The following HS3ST4 variants were observed in gnomAD, a reference collection of about 807,000 sequenced individuals.
HS3ST4 encodes the protein heparan sulfate-glucosamine 3-sulfotransferase 4, also known as heparan sulfate glucosamine 3-O-sulfotransferase 4.
HS3ST4 carries 17 observed loss-of-function variants against 29.2 expected under a neutral mutation model. The ratio of observed to expected loss-of-function variants is 0.58; its 90% CI spans 0.40 to 0.87. The LOEUF (loss-of-function observed/expected upper bound fraction) is 0.87. HS3ST4 is among the 40% of genes least tolerant of loss of function. The probability of loss-of-function intolerance (pLI) is 0.00; values close to 1 mark genes in which losing one functional copy is unlikely to be tolerated. For synonymous variants in HS3ST4, 314 were observed against 285.7 expected (o/e 1.10, Z -1.00); for missense variants, 627 against 634.5 (o/e 0.99, Z 0.13).
chr16:25,728,148 C>T (rs567305054), intron 1 of HS3ST4, among the ~76,000 whole-genome samples: 6 of 152,224 alleles, frequency 3.9e-5, no homozygotes, highest in African/African-American at 7.2e-5. Context: ...ATTACAGGCA[C>T]GCGCCATCAC....
intron 1 of HS3ST4, among the ~76,000 whole-genome samples, chr16:26,010,770 T>C (rs958171439): frequency 7.2e-5 from 11 of 152,210 alleles, no homozygotes; most frequent in Admixed American, 2.0e-4. Context: ...GAGGAGGCCA[T>C]GTCTCAATTG....
chr16:26,008,513 A>G (rs1969279374), intron 1 of HS3ST4, among the ~76,000 whole-genome samples: 1 of 152,168 alleles, frequency 6.6e-6, no homozygotes, highest in African/African-American at 2.4e-5. Context: ...AATGATTTCA[A>G]CTTGAAGTAA....
intron 1 of HS3ST4, among the ~76,000 whole-genome samples, chr16:26,075,703 C>T (rs189881824): frequency 1.3e-5 from 2 of 152,280 alleles, no homozygotes; most frequent in African/African-American, 4.8e-5. Context: ...TGCTTGGAAT[C>T]CGTTTTTCTT....
At chr16:25,794,355 G>C (rs1966877047) in intron 1 of HS3ST4, among the ~76,000 whole-genome samples, 1 of 151,700 alleles carries the variant, frequency 6.6e-6, no homozygotes, top group Non-Finnish European at 1.5e-5. Flanking sequence ...TTTGTATATG[G>C]GATATGGGAT....
intron 1 of HS3ST4, among the ~76,000 whole-genome samples, chr16:25,748,180 G>T (rs1387872695): frequency 1.3e-5 from 2 of 152,076 alleles, no homozygotes; most frequent in East Asian, 3.9e-4. Context: ...GCTGCATCCT[G>T]GCTGTGCTTG....
intron 1 of HS3ST4, among the ~76,000 whole-genome samples, chr16:26,127,132 A>G (rs1899354615): frequency 6.6e-6 from 1 of 152,104 alleles, no homozygotes; most frequent in South Asian, 2.1e-4. Flanking sequence ...TAATCCATAA[A>G]TTGTTAATAT....
intron 1 of HS3ST4, among the ~76,000 whole-genome samples, 181 bp downstream of exon 1, chr16:25,693,332 C>G (rs537321323): frequency 4.6e-5 from 7 of 152,250 alleles, no homozygotes; most frequent in Non-Finnish European, 1.0e-4. Flanking sequence ...TGGACTCCAG[C>G]GAAAGGTCAC....
At chr16:26,075,258 A>T (rs908888924) in intron 1 of HS3ST4, among the ~76,000 whole-genome samples, 3 of 152,098 alleles carry the variant, frequency 2.0e-5, no homozygotes, top group Admixed American at 1.3e-4. Flanking sequence ...CCTTTTCCTG[A>T]GTCTCTCCTG....
rs946817337 is a variant in HS3ST4 at position 26,028,223 on chromosome 16, A to C, written c.735-107389A>C. Among the ~76,000 whole-genome samples, 9 of 147,842 alleles carry C rather than the reference A, an allele frequency of 6.1e-5. No individual in the cohort carries two copies. The South Asian group carries it at 1.6e-3, about 26-fold the overall frequency. ...GGGAAGCAGAGGTTGCAGTGAGCCA[A>C]GATGGCTCAGGTGCACTCTAGCCTG... On this transcript the variant is annotated intron_variant, in intron 1 of 1. Coordinates refer to ENST00000331351, the MANE Select transcript of HS3ST4 (RefSeq NM_006040.3).
chr16:25,756,417 A>G (rs1209223224), intron 1 of HS3ST4, among the ~76,000 whole-genome samples: 7 of 152,152 alleles, frequency 4.6e-5, no homozygotes, highest in Non-Finnish European at 1.0e-4. Flanking sequence ...TTAAATAGAA[A>G]GGCTGTTACA....
intron 1 of HS3ST4, among the ~76,000 whole-genome samples, chr16:26,060,450 T>C (rs1219672741): frequency 6.6e-6 from 1 of 152,212 alleles, no homozygotes; most frequent in African/African-American, 2.4e-5. Context: ...AGTACACTGC[T>C]GTCTGACTTC....
At chr16:25,858,922 C>G (rs1041331544) in intron 1 of HS3ST4, among the ~76,000 whole-genome samples, 1 of 152,040 alleles carries the variant, frequency 6.6e-6, no homozygotes, top group Non-Finnish European at 1.5e-5. Flanking sequence ...CTCGAGAATA[C>G]ACCAGAAACC....
rs868242955 is a variant in HS3ST4, at chr16:25,925,369, G to T, written c.735-210243G>T. Among the ~76,000 whole-genome samples the T allele has an allele frequency of 3.9e-5, 6 of 151,994 alleles. No homozygotes were observed. The South Asian group carries it at 1.2e-3, about 32-fold the overall frequency. ...GAAACAGTGGCTTGGCCAGGAACCC[G>T]GAAAGGTGCTGCTTTTGGCCTCAGC... On this transcript the variant is annotated intron_variant, in intron 1 of 1. Transcript: ENST00000331351.
intron 1 of HS3ST4, among the ~76,000 whole-genome samples, chr16:25,790,129 T>G (rs1225494237): frequency 6.6e-6 from 1 of 152,152 alleles, no homozygotes; most frequent in Non-Finnish European, 1.5e-5. Context: ...AAATTTTGGC[T>G]GGATGCCATG....
intron 1 of HS3ST4, among the ~76,000 whole-genome samples, chr16:25,782,467 A>G (rs1310981435): frequency 6.6e-6 from 1 of 152,134 alleles, no homozygotes; most frequent in Admixed American, 6.5e-5. Flanking sequence ...TCTCTAGCTC[A>G]TGCTTGCATT....
rs115691688 is a variant in HS3ST4 at position 25,754,463 on chromosome 16, C to T, written c.734+61312C>T. Among the ~76,000 whole-genome samples the T allele has an allele frequency of 1.2e-3, 188 of 152,146 alleles. 1 individual carries two copies. Among genetic ancestry groups the T allele is most frequent in the African/African-American group, 4.2e-3 (176 of 41,512 alleles). On this transcript the variant is annotated intron_variant, in intron 1 of 1. Coordinates refer to ENST00000331351, the MANE Select transcript of HS3ST4 (RefSeq NM_006040.3). ...TCTATCCATCCATCCATCTACCCATCCATCCACCCATCCACCTACCCATCT... is the reference window on the plus strand; with the variant it reads ...TCTATCCATCCATCCATCTACCCATTCATCCACCCATCCACCTACCCATCT...
intron 1 of HS3ST4, among the ~76,000 whole-genome samples, chr16:25,819,023 G>A (rs898258732): frequency 6.6e-6 from 1 of 152,172 alleles, no homozygotes; most frequent in South Asian, 2.1e-4. Flanking sequence ...CTGCATGGAA[G>A]TCAGGGAAAC....
chr16:26,059,763 CTAT>C (rs1252043312), intron 1 of HS3ST4, among the ~76,000 whole-genome samples: 2 of 151,980 alleles, frequency 1.3e-5, no homozygotes, highest in Non-Finnish European at 2.9e-5. Context: ...ATTATTATTA[CTAT>C]TATTATTTTA....
At chr16:26,052,135 C>T (rs1269673630) in intron 1 of HS3ST4, among the ~76,000 whole-genome samples, 2 of 152,060 alleles carry the variant, frequency 1.3e-5, no homozygotes, top group Non-Finnish European at 1.5e-5. Flanking sequence ...GTGTCCCACA[C>T]CCAGAAGGAA....
Sources: gnomAD v4.1 joint callset for allele counts (sites outside exome capture counted in the v4.1 genomes callset) on GRCh38, gnomAD v4.1.1 for gene constraint, MANE v1.5 for transcripts, NCBI Gene and HGNC (gene_info 2026-07-23, HGNC 2026-07-21) for gene names.